Variants in FHOD3 observed in about 807,000 individuals in gnomAD.
FHOD3 encodes FH1/FH2 domain-containing protein 3.
In FHOD3, 90 loss-of-function variants were observed where a neutral mutation model predicts 173.0. That is an observed-to-expected ratio of 0.52 (90% CI 0.44 to 0.62). The LOEUF is 0.62. Ranked by LOEUF, FHOD3 falls within the 20% of genes least tolerant of loss-of-function variation. The pLI is 0.00. For synonymous variants in FHOD3, 828 were observed against 823.0 expected (o/e 1.01, Z -0.10); for missense variants, 1,945 against 2,034.7 (o/e 0.96, Z 0.85).
Position 36,652,723 on chromosome 18 carries a change from G to A in FHOD3, c.1440G>A (p.Gly480=). Residue 480 remains glycine (G), a synonymous_variant, in exon 12 of 29, where the codon GGG becomes GGA. Transcript: ENST00000590592. ...GGTTWHSGSS[G]SEATPSALLS... The stretch of plus-strand genomic sequence containing the variant: ...CCACCTGGCACAGTGGGTCCTCTGG[G>A]TCTGAGGCCACCCCATCTGCCCTCC... 1 of 1,535,758 alleles carries A rather than the reference G, an allele frequency of 6.5e-7. No individual in the cohort carries two copies. The highest frequency in any genetic ancestry group is 8.7e-7 in the Non-Finnish European group (1 of 1,146,674).
intron 13 of FHOD3, 82 bp downstream of exon 13, chr18:36,653,498 C>G: frequency 1.0e-6 from 1 of 1,000,774 alleles, no homozygotes; most frequent in Non-Finnish European, 1.5e-6. Context: ...TCAAAGAATG[C>G]TAATATCTTC....
At chr18:36,443,959 A>G (rs1183065233) in intron 3 of FHOD3, among the ~76,000 whole-genome samples, 1 of 152,168 alleles carries the variant, frequency 6.6e-6, no homozygotes, top group East Asian at 1.9e-4. Flanking sequence ...ATGTGTCTGT[A>G]GAAAAAACTC....
Position 36,779,441 on chromosome 18 carries a change from A to T in FHOD3, c.4787-7A>T, listed in dbSNP as rs367796520. The T allele has an allele frequency of 1.2e-6, 2 of 1,613,968 alleles. No individual in the cohort carries two copies. Among genetic ancestry groups the T allele is most frequent in the African/African-American group, 2.7e-5 (2 of 75,058 alleles). ...CCCTTTGGGTGTGACCTGCACCACC[A>T]CTGCAGTGCGAAGAACCCTGAAGAG... On this transcript the variant is annotated splice_region_variant and splice_polypyrimidine_tract_variant and intron_variant, in intron 28 of 28. Transcript: ENST00000590592.
Position 36,381,748 on chromosome 18 carries a change from G to A in FHOD3, c.337+9004G>A, listed in dbSNP as rs2047803478. Among the ~76,000 whole-genome samples, 4 of 152,230 alleles carry A rather than the reference G, an allele frequency of 2.6e-5. 1 individual carries two copies. The South Asian group carries it at 8.3e-4, about 32-fold the overall frequency. On this transcript the variant is annotated intron_variant, in intron 3 of 28. Coordinates refer to ENST00000590592, the MANE Select transcript of FHOD3 (RefSeq NM_001281740.3). The stretch of plus-strand genomic sequence containing the variant: ...AGCTAAAAGGGTCAAGGTACTGACA[G>A]TGTTTCTTAGATTTGATTTGTTTAC...
intron 14 of FHOD3, among the ~76,000 whole-genome samples, chr18:36,672,413 G>A (rs568369065): frequency 2.7e-4 from 41 of 152,210 alleles, no homozygotes; most frequent in African/African-American, 9.6e-4. Context: ...GCAGTCAGCC[G>A]GTCGTTGATC....
intron 10 of FHOD3, among the ~76,000 whole-genome samples, chr18:36,636,609 CA>C (rs367834772): frequency 5.3e-5 from 8 of 151,372 alleles, no homozygotes; most frequent in African/African-American, 1.9e-4. Flanking sequence ...CAGGAGTACT[CA>C]ATTACCATAT....
intron 3 of FHOD3, among the ~76,000 whole-genome samples, chr18:36,490,451 T>C (rs1327065825): frequency 6.6e-6 from 1 of 152,102 alleles, no homozygotes; most frequent in Non-Finnish European, 1.5e-5. Context: ...ATGGGGCCAG[T>C]GGGTCCCAAG....
At chr18:36,627,843 A>T (rs866987705) in intron 10 of FHOD3, among the ~76,000 whole-genome samples, 16 of 152,186 alleles carry the variant, frequency 1.1e-4, no homozygotes, top group African/African-American at 3.6e-4. Flanking sequence ...TGTGCCTCAA[A>T]CAGTACCTCA....
At chr18:36,733,012 G>C (rs905122206) in intron 20 of FHOD3, among the ~76,000 whole-genome samples, 1 of 152,222 alleles carries the variant, frequency 6.6e-6, no homozygotes, top group African/African-American at 2.4e-5. Flanking sequence ...CAAAGGTCTT[G>C]AGTAAATACC....
chr18:36,579,915 G>A (rs770624988), intron 6 of FHOD3, among the ~76,000 whole-genome samples: 7 of 151,910 alleles, frequency 4.6e-5, no homozygotes, highest in Non-Finnish European at 7.4e-5. Flanking sequence ...GAAGGACCAC[G>A]GAGGAGGAAA....
intron 18 of FHOD3, among the ~76,000 whole-genome samples, chr18:36,716,598 A>G (rs985496220): frequency 1.3e-5 from 2 of 152,152 alleles, no homozygotes; most frequent in African/African-American, 2.4e-5. Flanking sequence ...GGTTAATGAT[A>G]AGGAGGAAGC....
chr18:36,772,233 T>G (rs970486964), intron 28 of FHOD3, among the ~76,000 whole-genome samples: 1 of 152,230 alleles, frequency 6.6e-6, no homozygotes, highest in African/African-American at 2.4e-5. Context: ...TGGGCTTAAT[T>G]TATTAGTAAT....
chr18:36,643,161 C>T (rs1470409153), intron 10 of FHOD3, among the ~76,000 whole-genome samples: 1 of 151,946 alleles, frequency 6.6e-6, no homozygotes, highest in Non-Finnish European at 1.5e-5. Context: ...GGGTCATTTC[C>T]AGCTTTTGAC....
At chr18:36,700,592 A>G (rs1401150573) in intron 17 of FHOD3, among the ~76,000 whole-genome samples, 3 of 152,064 alleles carry the variant, frequency 2.0e-5, no homozygotes, top group Non-Finnish European at 4.4e-5. Context: ...CCTGGCCTCA[A>G]CCATCTCTGA....
intron 9 of FHOD3, among the ~76,000 whole-genome samples, chr18:36,614,547 T>C (rs1026536031): frequency 4.6e-5 from 7 of 152,226 alleles, no homozygotes; most frequent in African/African-American, 1.7e-4. Flanking sequence ...ATGGTAACTA[T>C]CTTTAACTGA....
intron 1 of FHOD3, among the ~76,000 whole-genome samples, chr18:36,337,250 T>C (rs954596974): frequency 2.6e-5 from 4 of 152,130 alleles, no homozygotes; most frequent in African/African-American, 4.8e-5. Context: ...CTTGGAACAT[T>C]CCCAGAGTCT....
In FHOD3 at chr18:36,709,125, A is replaced by T; in HGVS notation, c.2267A>T (p.Glu756Val). 6.2e-7 allele frequency: 1 copy of T among 1,613,592 alleles called. No homozygotes were observed. Among genetic ancestry groups the T allele is most frequent in the Non-Finnish European group, 8.5e-7 (1 of 1,179,540 alleles). Reference protein sequence around the residue: ...ASAGDPEPESEAEPEAEAGAG... With the variant: ...ASAGDPEPESVAEPEAEAGAG... ...GCCGGGGATCCTGAACCCGAATCAGAGGCAGAACCGGAAGCAGAGGCAGGG... is the reference window on the plus strand; with the variant it reads ...GCCGGGGATCCTGAACCCGAATCAGTGGCAGAACCGGAAGCAGAGGCAGGG... The change falls in exon 18 of 29, where the codon GAG (glutamate) becomes GTG (valine). Residue 756 changes from glutamate to valine, a missense_variant. This residue lies in a region of FHOD3 where 1,099 missense variants were observed against 1,051.2 expected (regional missense o/e 1.05). Transcript: ENST00000590592.
rs373880183 is a variant in FHOD3, at chr18:36,718,098, C to T, written c.2800C>T (p.Arg934Trp). The T allele has an allele frequency of 1.9e-6, 3 of 1,599,342 alleles. No homozygotes were observed. Among genetic ancestry groups the T allele is most frequent in the Admixed American group, 1.7e-5 (1 of 59,144 alleles). Residue 934 changes from arginine to tryptophan, a missense_variant, in exon 19 of 29, where the codon CGG becomes TGG. Arg to Trp is a moderately radical substitution (Grantham distance 101). Around this residue, in one of 5 missense-constraint regions of FHOD3, gnomAD observed 1,099 missense variants for 1,051.2 expected, o/e 1.05. Transcript: ENST00000590592. ...GGTGGATGTCGGCTGTTTGGACAAT[C>T]GGGGCAGTGTGAAAGCATTTGCTGA... ...RRVDVGCLDN[R>W]GSVKAFAEKF...
At chr18:36,423,967 A>G (rs1264112067) in intron 3 of FHOD3, among the ~76,000 whole-genome samples, 1 of 152,204 alleles carries the variant, frequency 6.6e-6, no homozygotes, top group African/African-American at 2.4e-5. Flanking sequence ...CATAACGTGG[A>G]TTTCACATTT....
Sources: allele counts gnomAD v4.1 joint callset (sites outside exome capture counted in the v4.1 genomes callset), GRCh38; gene constraint gnomAD v4.1.1; regional missense constraint gnomAD v4.1.1; transcripts MANE v1.5; gene names NCBI Gene and HGNC (gene_info 2026-07-23, HGNC 2026-07-21).